MAMDC2: variants seen among roughly 807,000 people sequenced by gnomAD.
MAMDC2 encodes MAM domain containing 2, also known as MAM domain-containing protein 2.
In MAMDC2, 57 loss-of-function variants were observed where a neutral mutation model predicts 89.8. That is an observed-to-expected ratio of 0.63 (90% CI 0.51 to 0.79). The LOEUF is 0.79. Ranked by LOEUF, MAMDC2 falls within the 30% of genes least tolerant of loss-of-function variation. MAMDC2 has a pLI of 0.00. For synonymous variants in MAMDC2, 313 were observed against 293.4 expected, an observed-to-expected ratio of 1.07 and a Z score of -0.68; for missense variants, 800 against 820.6, an observed-to-expected ratio of 0.97 and a Z score of 0.31.
intron 5 of MAMDC2, among the ~76,000 whole-genome samples, chr9:70,114,904 A>G (rs1480333316): frequency 6.6e-6 from 1 of 152,202 alleles, no homozygotes; most frequent in Admixed American, 6.5e-5. Context: ...TGGATGTCCT[A>G]GAAGACATGA....
chr9:70,172,790 G>C (rs1309013958), intron 11 of MAMDC2: 2 of 153,082 alleles, frequency 1.3e-5, no homozygotes, highest in Admixed American at 1.3e-4. Context: ...TTTAGCATTG[G>C]CCCAAAGGCA....
chr9:70,122,083 A>G (rs963794931), intron 5 of MAMDC2, among the ~76,000 whole-genome samples: 2 of 152,182 alleles, frequency 1.3e-5, no homozygotes, highest in Admixed American at 6.5e-5. Flanking sequence ...TTGTTCCCCA[A>G]TGAGAAGCTT....
chr9:70,099,663 G>A (rs1343171147), intron 2 of MAMDC2, among the ~76,000 whole-genome samples: 1 of 152,080 alleles, frequency 6.6e-6, no homozygotes, highest in African/African-American at 2.4e-5. Context: ...CTACATAGGG[G>A]GCAGAAGTTG....
chr9:70,118,656 C>T (rs1393817500), intron 5 of MAMDC2, among the ~76,000 whole-genome samples: 1 of 152,174 alleles, frequency 6.6e-6, no homozygotes, highest in Non-Finnish European at 1.5e-5. Context: ...AGATTTTGCT[C>T]TATGTGAGTT....
intron 9 of MAMDC2, among the ~76,000 whole-genome samples, chr9:70,150,552 G>A (rs977822871): frequency 2.0e-5 from 3 of 152,146 alleles, no homozygotes; most frequent in African/African-American, 4.8e-5. Flanking sequence ...CTTTGTGCTG[G>A]GCAGCACATG....
At chr9:70,220,710 T>G (rs1303976342) in intron 12 of MAMDC2, among the ~76,000 whole-genome samples, 2 of 152,142 alleles carry the variant, frequency 1.3e-5, no homozygotes, top group East Asian at 1.9e-4. Context: ...TTTGTATCCC[T>G]AAGCCACTGT....
At chr9:70,102,947 T>C (rs1828233964) in intron 2 of MAMDC2, among the ~76,000 whole-genome samples, 1 of 152,210 alleles carries the variant, frequency 6.6e-6, no homozygotes, top group African/African-American at 2.4e-5. Flanking sequence ...TCTTTGCCTT[T>C]TTCTCATTTG....
At chr9:70,066,302 G>T (rs887205758) in intron 2 of MAMDC2, among the ~76,000 whole-genome samples, 13 of 152,200 alleles carry the variant, frequency 8.5e-5, no homozygotes, top group African/African-American at 3.1e-4. Context: ...GAACTGTCAA[G>T]AAGCCAGTGT....
At chr9:70,193,704 A>AGC (rs2118608175) in intron 11 of MAMDC2, among the ~76,000 whole-genome samples, 1 of 152,234 alleles carries the variant, frequency 6.6e-6, no homozygotes, top group East Asian at 1.9e-4. Flanking sequence ...CTTGGCTAGG[A>AGC]GCACAGTATT....
intron 11 of MAMDC2, among the ~76,000 whole-genome samples, chr9:70,186,781 T>C (rs888616151): frequency 6.6e-6 from 1 of 152,214 alleles, no homozygotes; most frequent in Admixed American, 6.5e-5. Flanking sequence ...AGATTTTACT[T>C]GTAGCGGAAG....
At chr9:70,081,004 C>T (rs1299195616) in intron 2 of MAMDC2, among the ~76,000 whole-genome samples, 1 of 152,114 alleles carries the variant, frequency 6.6e-6, no homozygotes, top group African/African-American at 2.4e-5. Context: ...TGTTTTCTGC[C>T]TGGCATAAAG....
chr9:70,155,963 A>G (rs774619806), intron 9 of MAMDC2, among the ~76,000 whole-genome samples: 6 of 152,216 alleles, frequency 3.9e-5, no homozygotes, highest in Non-Finnish European at 8.8e-5. Flanking sequence ...TAGTTCAGGA[A>G]TATAAAGAGT....
intron 5 of MAMDC2, among the ~76,000 whole-genome samples, chr9:70,124,539 A>C (rs778494049): frequency 6.6e-6 from 1 of 151,978 alleles, no homozygotes; most frequent in Non-Finnish European, 1.5e-5. Flanking sequence ...TGAGATGAGG[A>C]CCTTTCTGAG....
rs568194379 is a variant in MAMDC2, at chr9:70,137,443, C to T, written c.995-2702C>T. Among the ~76,000 whole-genome samples, 10 of 152,242 alleles carry T rather than the reference C, an allele frequency of 6.6e-5. No homozygotes were observed. In the South Asian group the frequency reaches 1.0e-3, roughly 16 times the overall value. ...TGATACAACATTATCAACTTACTTT[C>T]GGTCCATACACCAATGTTTCCAATT... On this transcript the variant is annotated intron_variant, in intron 7 of 13. Transcript: ENST00000377182.
intron 5 of MAMDC2, among the ~76,000 whole-genome samples, chr9:70,121,681 G>C (rs2030292927): frequency 6.7e-6 from 1 of 148,452 alleles, no homozygotes; most frequent in South Asian, 2.1e-4. Context: ...TCTATACCTA[G>C]TTTCATCCTA....
chr9:70,071,059 G>C (rs963227123), intron 2 of MAMDC2, among the ~76,000 whole-genome samples: 2 of 152,222 alleles, frequency 1.3e-5, no homozygotes, highest in South Asian at 4.2e-4. Context: ...AAATGAAAAA[G>C]GACCTAGTGG....
At chr9:70,130,657 A>C (rs1201500034) in intron 6 of MAMDC2, among the ~76,000 whole-genome samples, 1 of 152,160 alleles carries the variant, frequency 6.6e-6, no homozygotes, top group African/African-American at 2.4e-5. Flanking sequence ...ACATGCTGAG[A>C]TCGGGGTTCT....
At chr9:70,161,748 T>C (rs10780866) in intron 9 of MAMDC2, among the ~76,000 whole-genome samples, 4 of 152,054 alleles carry the variant, frequency 2.6e-5, no homozygotes, top group Admixed American at 2.0e-4. Flanking sequence ...TTACATCGTA[T>C]AGTATATCTT....
At chr9:70,105,072 A>G (rs1828301169) in intron 2 of MAMDC2, among the ~76,000 whole-genome samples, 1 of 152,192 alleles carries the variant, frequency 6.6e-6, no homozygotes, top group African/African-American at 2.4e-5. Context: ...AAAAGAACTC[A>G]CAGATTTATT....
Sources: allele counts gnomAD v4.1 joint callset (sites outside exome capture counted in the v4.1 genomes callset), GRCh38; gene constraint gnomAD v4.1.1; transcripts MANE v1.5; gene names NCBI Gene and HGNC (gene_info 2026-07-23, HGNC 2026-07-21).